GPC5: variants seen among roughly 807,000 people sequenced by gnomAD.
The protein encoded by GPC5 is glypican 5.
GPC5 carries 47 observed loss-of-function variants against 53.9 expected under a neutral mutation model. The ratio of observed to expected loss-of-function variants is 0.87; its 90% CI spans 0.69 to 1.11. The LOEUF (loss-of-function observed/expected upper bound fraction) is 1.11, where lower values mean the gene tolerates loss of function less well. Among genes scored for constraint, GPC5 ranks in the 50% most tolerant of loss-of-function variants. The pLI, the probability that GPC5 is intolerant of heterozygous loss-of-function variation, is 0.00. For missense variants in GPC5, 748 were observed against 713.1 expected (o/e 1.05, Z -0.56); for synonymous variants, 286 against 263.3 (o/e 1.09, Z -0.84).
intron 3 of GPC5, among the ~76,000 whole-genome samples, chr13:91,720,501 A>G (rs2036440378): frequency 6.6e-6 from 1 of 152,038 alleles, no homozygotes; most frequent in African/African-American, 2.4e-5. Context: ...ATCATTTTCA[A>G]CTTCCTTTGG....
chr13:91,828,504 A>C (rs1348982582), intron 5 of GPC5, among the ~76,000 whole-genome samples: 1 of 152,056 alleles, frequency 6.6e-6, no homozygotes, highest in Non-Finnish European at 1.5e-5. Context: ...TATCTCGCAG[A>C]TCCTGGTTTT....
chr13:92,429,204 ATATC>A (rs1280913718), intron 7 of GPC5, among the ~76,000 whole-genome samples: 2 of 152,028 alleles, frequency 1.3e-5, no homozygotes, highest in African/African-American at 4.8e-5. Context: ...TCATATGCAA[ATATC>A]TATCATGAAA....
At chr13:91,523,593 G>T (rs1885940759) in intron 2 of GPC5, among the ~76,000 whole-genome samples, 1 of 152,176 alleles carries the variant, frequency 6.6e-6, no homozygotes, top group African/African-American at 2.4e-5. Flanking sequence ...AGAATTGGGG[G>T]ACTGTGGTCA....
intron 2 of GPC5, among the ~76,000 whole-genome samples, chr13:91,451,336 C>A (rs1881159900): frequency 6.6e-6 from 1 of 152,070 alleles, no homozygotes; most frequent in Non-Finnish European, 1.5e-5. Flanking sequence ...TCCTCATGGA[C>A]CTTATGTGAC....
intron 2 of GPC5, among the ~76,000 whole-genome samples, chr13:91,654,649 A>G (rs754850758): frequency 6.6e-6 from 1 of 152,166 alleles, no homozygotes; most frequent in Non-Finnish European, 1.5e-5. Context: ...AATAGTTTCT[A>G]ATGTTTCTAC....
rs115549172 is a variant in GPC5, at chr13:92,130,006, C to T, written c.1402-14824C>T. ...CCTAAGGAACATAATACAAATAAAACCTTACCTGACTAGATTATAAGCTGC... is the reference window on the plus strand; with the variant it reads ...CCTAAGGAACATAATACAAATAAAATCTTACCTGACTAGATTATAAGCTGC... On this transcript the variant is annotated intron_variant, in intron 6 of 7. Transcript: ENST00000377067. Among the ~76,000 whole-genome samples, 995 of 152,094 alleles carry T rather than the reference C, an allele frequency of 6.5e-3. 14 individuals carry two copies. Among genetic ancestry groups the T allele is most frequent in the African/African-American group, 0.022 (927 of 41,502 alleles).
intron 7 of GPC5, among the ~76,000 whole-genome samples, chr13:92,355,370 T>A (rs1021318639): frequency 6.6e-6 from 1 of 152,110 alleles, no homozygotes; most frequent in African/African-American, 2.4e-5. Context: ...TATTAAAACC[T>A]AAGGACACTG....
chr13:92,342,688 A>G (rs1445587366), intron 7 of GPC5, among the ~76,000 whole-genome samples: 1 of 152,182 alleles, frequency 6.6e-6, no homozygotes, highest in African/African-American at 2.4e-5. Flanking sequence ...TAGCCAAAAT[A>G]GTCTAAGACA....
chr13:91,877,194 G>A (rs1402940425), intron 5 of GPC5, among the ~76,000 whole-genome samples: 1 of 152,254 alleles, frequency 6.6e-6, no homozygotes, highest in Admixed American at 6.5e-5. Context: ...GAAGGGAAAT[G>A]TGGGATCAGA....
chr13:91,570,880 C>G (rs2031751403), intron 2 of GPC5, among the ~76,000 whole-genome samples: 1 of 152,128 alleles, frequency 6.6e-6, no homozygotes, highest in Non-Finnish European at 1.5e-5. Flanking sequence ...AGTCAAGTTT[C>G]TTAGTCAAAT....
intron 7 of GPC5, among the ~76,000 whole-genome samples, chr13:92,724,911 C>CACACACACA (rs1555306823): frequency 2.1e-5 from 3 of 144,142 alleles, no homozygotes; most frequent in Non-Finnish European, 4.5e-5. Flanking sequence ...CACACACACA[C>CACACACACA]AAGAAAGAAA....
chr13:92,756,863 T>A (rs1408360282), intron 7 of GPC5, among the ~76,000 whole-genome samples: 1 of 150,592 alleles, frequency 6.6e-6, no homozygotes, highest in Non-Finnish European at 1.5e-5. Flanking sequence ...CATTCCATGC[T>A]CATGGGTAGG....
chr13:92,102,933 G>A (rs896946438), intron 6 of GPC5, among the ~76,000 whole-genome samples: 2 of 152,154 alleles, frequency 1.3e-5, no homozygotes, highest in Admixed American at 1.3e-4. Context: ...CACCAGCAAG[G>A]CTCACTGTAG....
At chr13:91,720,961 C>G (rs1395471149) in intron 3 of GPC5, among the ~76,000 whole-genome samples, 2 of 151,346 alleles carry the variant, frequency 1.3e-5, no homozygotes, top group Non-Finnish European at 3.0e-5. Context: ...CCTCATAGAC[C>G]ACCCTTAGCA....
At chr13:92,699,908 A>G (rs1298203960) in intron 7 of GPC5, among the ~76,000 whole-genome samples, 1 of 152,122 alleles carries the variant, frequency 6.6e-6, no homozygotes, top group Non-Finnish European at 1.5e-5. Flanking sequence ...TATTCTGTTG[A>G]TTTGGAGTGG....
chr13:92,069,522 A>G (rs1164076560), intron 6 of GPC5, among the ~76,000 whole-genome samples: 2 of 151,856 alleles, frequency 1.3e-5, no homozygotes, highest in Non-Finnish European at 2.9e-5. Context: ...ACCTCATGGC[A>G]TCTCCATATA....
chr13:92,559,961 T>C (rs556084115), intron 7 of GPC5, among the ~76,000 whole-genome samples: 1 of 151,312 alleles, frequency 6.6e-6, no homozygotes, highest in Admixed American at 6.6e-5. Context: ...ATTTCAAAAA[T>C]GCAAGCAGAA....
Position 92,368,587 on chromosome 13 carries a change from A to G in GPC5, c.1561+223598A>G, listed in dbSNP as rs537680748. On this transcript the variant is annotated intron_variant, in intron 7 of 7. Transcript: ENST00000377067. Reference sequence around the variant, plus strand: ...TGAACCTGGGATTTGCAGTGAGCCAAGATCGCACCACTACATTCCAGCCTG... The same window carrying G: ...TGAACCTGGGATTTGCAGTGAGCCAGGATCGCACCACTACATTCCAGCCTG... Among the ~76,000 whole-genome samples, 5 of 147,538 alleles carry G rather than the reference A, an allele frequency of 3.4e-5. No homozygotes were observed. In the Admixed American group the frequency reaches 3.4e-4, roughly 10 times the overall value.
intron 4 of GPC5, among the ~76,000 whole-genome samples, chr13:91,755,361 T>G (rs2037267124): frequency 4.6e-5 from 7 of 152,166 alleles, no homozygotes; most frequent in Admixed American, 3.9e-4. Context: ...TTTACTTTCC[T>G]TCCAACATTT....
Sources: allele counts gnomAD v4.1 joint callset (sites outside exome capture counted in the v4.1 genomes callset), GRCh38; gene constraint gnomAD v4.1.1; transcripts MANE v1.5; gene names NCBI Gene and HGNC (gene_info 2026-07-23, HGNC 2026-07-21).